Variants in CDH13 observed in about 807,000 individuals in gnomAD.
CDH13 encodes cadherin-13.
In CDH13, 24 loss-of-function variants were observed where a neutral mutation model predicts 63.8. That is an observed-to-expected ratio of 0.38 (90% CI 0.27 to 0.53). The LOEUF is 0.53. Ranked by LOEUF, CDH13 falls within the 20% of genes least tolerant of loss-of-function variation. The pLI is 0.85. For synonymous variants in CDH13, 503 were observed against 355.3 expected (o/e 1.42, Z -4.67); for missense variants, 1,049 against 903.1 (o/e 1.16, Z -2.07).
At chr16:83,394,267 A>C (rs1328879732) in intron 6 of CDH13, among the ~76,000 whole-genome samples, 1 of 152,086 alleles carries the variant, frequency 6.6e-6, no homozygotes, top group Non-Finnish European at 1.5e-5. Context: ...AAAACAAAAA[A>C]GAGTGAACAG....
intron 4 of CDH13, among the ~76,000 whole-genome samples, chr16:83,202,851 A>G (rs1260697304): frequency 2.0e-5 from 3 of 150,996 alleles, no homozygotes; most frequent in African/African-American, 7.4e-5. Context: ...AACATTGAGT[A>G]CACATGGACA....
At chr16:83,025,867 A>C (rs1915755406) in intron 2 of CDH13, among the ~76,000 whole-genome samples, 1 of 152,286 alleles carries the variant, frequency 6.6e-6, no homozygotes, top group East Asian at 1.9e-4. Flanking sequence ...TGTCTGCATT[A>C]GATTAATCAG....
At chr16:83,538,329 C>G (rs759973413) in intron 7 of CDH13, among the ~76,000 whole-genome samples, 8 of 152,086 alleles carry the variant, frequency 5.3e-5, no homozygotes, top group Non-Finnish European at 1.0e-4. Context: ...CATCACTGTC[C>G]CCTGAAGCAG....
At chr16:83,704,153 C>G (rs1357828957) in intron 10 of CDH13, among the ~76,000 whole-genome samples, 1 of 152,152 alleles carries the variant, frequency 6.6e-6, no homozygotes, top group East Asian at 1.9e-4. Context: ...TCACCTGAAG[C>G]TGTGATTTCC....
chr16:82,737,041 A>G (rs11861682), intron 1 of CDH13, among the ~76,000 whole-genome samples: 5,814 of 152,220 alleles, frequency 0.038, 382 homozygotes, highest in African/African-American at 0.13. Context: ...CTGACTTTCT[A>G]TGCCTTCTCC....
At chr16:82,692,035 G>T (rs1187099619) in intron 1 of CDH13, among the ~76,000 whole-genome samples, 2 of 152,328 alleles carry the variant, frequency 1.3e-5, no homozygotes, top group East Asian at 3.9e-4. Flanking sequence ...TCTGCAAATA[G>T]TTCTGTCACT....
intron 2 of CDH13, among the ~76,000 whole-genome samples, chr16:83,021,822 C>T (rs1244166994): frequency 6.6e-6 from 1 of 152,186 alleles, no homozygotes; most frequent in Non-Finnish European, 1.5e-5. Context: ...TCAGTGCTGA[C>T]TCTAGGCCAA....
intron 11 of CDH13, among the ~76,000 whole-genome samples, chr16:83,754,260 G>C (rs1913323208): frequency 6.6e-6 from 1 of 152,166 alleles, no homozygotes; most frequent in Admixed American, 6.5e-5. Flanking sequence ...TTAAAGGATG[G>C]GGTGTGGGAT....
At chr16:83,388,599 C>T (rs900957555) in intron 6 of CDH13, among the ~76,000 whole-genome samples, 2 of 152,188 alleles carry the variant, frequency 1.3e-5, no homozygotes, top group African/African-American at 4.8e-5. Flanking sequence ...TATTGCCTTG[C>T]ACTCTTCCCA....
intron 7 of CDH13, among the ~76,000 whole-genome samples, chr16:83,597,148 G>C (rs777505019): frequency 7.2e-5 from 11 of 152,092 alleles, no homozygotes; most frequent in Non-Finnish European, 1.3e-4. Context: ...TCTTGAGCCT[G>C]GGAGGTCGAG....
intron 5 of CDH13, among the ~76,000 whole-genome samples, chr16:83,296,317 C>T (rs933461363): frequency 1.3e-5 from 2 of 152,086 alleles, no homozygotes; most frequent in African/African-American, 4.8e-5. Flanking sequence ...TTCACATATC[C>T]CACTCTAGGT....
At chr16:83,348,477 C>G (rs537339304) in intron 6 of CDH13, among the ~76,000 whole-genome samples, 1 of 152,188 alleles carries the variant, frequency 6.6e-6, no homozygotes, top group Non-Finnish European at 1.5e-5. Flanking sequence ...TGGGGCACAG[C>G]CTTTGTGGCC....
intron 2 of CDH13, among the ~76,000 whole-genome samples, chr16:83,029,301 T>C (rs1207995765): frequency 2.0e-5 from 3 of 152,214 alleles, no homozygotes; most frequent in African/African-American, 7.2e-5. Context: ...CAGATATTTA[T>C]TTGGCTTTAA....
At chr16:83,687,547 C>T (rs1904432129) in intron 10 of CDH13, among the ~76,000 whole-genome samples, 1 of 152,196 alleles carries the variant, frequency 6.6e-6, no homozygotes, top group Non-Finnish European at 1.5e-5. Flanking sequence ...CCATCGCCTC[C>T]CACCAGGCTC....
intron 1 of CDH13, among the ~76,000 whole-genome samples, chr16:82,652,708 T>C (rs1390994214): frequency 8.2e-6 from 1 of 121,352 alleles, no homozygotes; most frequent in Non-Finnish European, 1.8e-5. Context: ...CTAGAATTGT[T>C]TTTTTTTTTT....
At chr16:83,235,671 G>T (rs2040124253) in intron 5 of CDH13, among the ~76,000 whole-genome samples, 4 of 145,334 alleles carry the variant, frequency 2.8e-5, no homozygotes, top group South Asian at 4.5e-4. Context: ...ATTTGTCTTT[G>T]GTACCTTAAG....
chr16:82,719,756 G>T (rs1313476316), intron 1 of CDH13, among the ~76,000 whole-genome samples: 1 of 145,862 alleles, frequency 6.9e-6, no homozygotes, highest in Non-Finnish European at 1.5e-5. Context: ...TGAAACAGGA[G>T]AATCACTTAA....
chr16:83,146,206 A>AAAAAAAAAAAAAAG (rs1472391722), intron 4 of CDH13, among the ~76,000 whole-genome samples: 1 of 147,760 alleles, frequency 6.8e-6, no homozygotes, highest in African/African-American at 2.6e-5. Context: ...AAAAAAAAAA[A>AAAAAAAAAAAAAAG]AAAAGAAAAG....
intron 5 of CDH13, among the ~76,000 whole-genome samples, chr16:83,228,909 C>T (rs889064845): frequency 2.6e-5 from 4 of 152,192 alleles, no homozygotes; most frequent in African/African-American, 9.6e-5. Flanking sequence ...AGTTCTGTCT[C>T]TGGGTCTTTG....
Sources: gnomAD v4.1 joint callset for allele counts (sites outside exome capture counted in the v4.1 genomes callset) on GRCh38, gnomAD v4.1.1 for gene constraint, MANE v1.5 for transcripts, NCBI Gene and HGNC (gene_info 2026-07-23, HGNC 2026-07-21) for gene names.